The following STK3 variants were observed in gnomAD, a reference collection of about 807,000 sequenced individuals.
STK3 encodes the protein serine/threonine-protein kinase 3.
Under a neutral mutation model 58.0 loss-of-function variants are expected in STK3, and 41 were observed. That is an observed-to-expected ratio of 0.71 (90% CI 0.55 to 0.92). The LOEUF (loss-of-function observed/expected upper bound fraction) is 0.92. Ranked by LOEUF, STK3 falls within the 40% of genes least tolerant of loss-of-function variation. The pLI is 0.00. For synonymous variants in STK3, 170 were observed against 191.0 expected, an observed-to-expected ratio of 0.89 and a Z score of 0.91; for missense variants, 479 against 602.7, an observed-to-expected ratio of 0.79 and a Z score of 2.15.
the STK3 span, among the ~76,000 whole-genome samples, chr8:98,359,894 G>A: frequency 6.6e-6 from 1 of 152,104 alleles, no homozygotes; most frequent in African/African-American, 2.4e-5. Context: ...GTTTCCAGTG[G>A]CATGGGAAGG....
upstream of STK3, among the ~76,000 whole-genome samples, chr8:98,393,168 TAGC>T (rs905872584): frequency 3.3e-5 from 5 of 152,142 alleles, no homozygotes; most frequent in Admixed American, 2.6e-4. Flanking sequence ...AGGTCAACTT[TAGC>T]AGCCACACAT....
At chr8:98,850,898 A>G (rs1228177345) in intron 3 of STK3, among the ~76,000 whole-genome samples, 1 of 152,198 alleles carries the variant, frequency 6.6e-6, no homozygotes, top group African/African-American at 2.4e-5. Context: ...AAGATTGTCC[A>G]AGAGATTACT....
intron 2 of STK3, among the ~76,000 whole-genome samples, chr8:98,375,781 G>C (rs544995665): frequency 9.9e-5 from 15 of 152,134 alleles, no homozygotes; most frequent in African/African-American, 3.6e-4. Context: ...ATGGATTATA[G>C]ATGCAACACA....
chr8:98,695,885 T>G (rs1824872547), intron 6 of STK3, among the ~76,000 whole-genome samples: 1 of 152,208 alleles, frequency 6.6e-6, no homozygotes, highest in Admixed American at 6.5e-5. Flanking sequence ...AAATAGTTTT[T>G]TCCAATTCTG....
intron 10 of STK3, among the ~76,000 whole-genome samples, chr8:98,477,056 G>A (rs928004667): frequency 7.2e-5 from 11 of 152,288 alleles, no homozygotes; most frequent in Admixed American, 6.5e-4. Flanking sequence ...TATCATCAAG[G>A]ACGGGAAGCT....
intron 3 of STK3, among the ~76,000 whole-genome samples, chr8:98,842,462 A>G (rs148449327): frequency 1.3e-3 from 194 of 152,246 alleles, no homozygotes; most frequent in Middle Eastern, 3.4e-3. Context: ...GACCGTTAGA[A>G]CTCAGGAGTC....
chr8:98,930,383 T>C (rs755684129), intron 1 of STK3, among the ~76,000 whole-genome samples: 10 of 152,224 alleles, frequency 6.6e-5, no homozygotes, highest in Non-Finnish European at 1.2e-4. Context: ...TTATAAAGTA[T>C]GTGTTCAGTT....
In STK3 at chr8:98,747,238, C is replaced by T. The variant is rs191802136; in HGVS notation, c.351+2038G>A. On this transcript the variant is annotated intron_variant, in intron 4 of 10. Coordinates refer to ENST00000419617, the MANE Select transcript of STK3 (RefSeq NM_006281.4). ...TGAGTAAATATAAACATTTGCAATA[C>T]AAAATAAGAATAACAATATAAAATA... Among the ~76,000 whole-genome samples the T allele has an allele frequency of 8.6e-3, 1,305 of 151,564 alleles. 10 individuals are homozygous for T. The highest frequency in any genetic ancestry group is 0.03 in the African/African-American group (1,229 of 41,340).
rs556514149 is a variant in STK3, at chr8:98,900,958, G to A, written c.-78-17124C>T. 1.8e-4 allele frequency among the ~76,000 whole-genome samples: 27 copies of A among 152,064 alleles called. No homozygotes were observed. The East Asian group carries it at 2.9e-3, about 16-fold the overall frequency. On this transcript the variant is annotated intron_variant, in intron 1 of 1. Transcript: ENST00000519420. ...ATAACAGGCATGAGCCACTGCACCC[G>A]GCCTATAGTTTTATATTATATTTTT...
intron 1 of STK3, among the ~76,000 whole-genome samples, chr8:98,387,656 G>T (rs920462747): frequency 6.6e-6 from 1 of 152,172 alleles, no homozygotes. Flanking sequence ...GCTGAGGCAG[G>T]AGAATCGCTT....
chr8:98,429,568 T>C, intron 3 of STK3: 1 of 599,912 alleles, frequency 1.7e-6, no homozygotes, highest in Non-Finnish European at 3.0e-6. Context: ...TTTACAGTTT[T>C]TAGAATCGTT....
At chr8:98,588,830 C>G (rs954060866) in intron 7 of STK3, among the ~76,000 whole-genome samples, 44 of 151,978 alleles carry the variant, frequency 2.9e-4, no homozygotes, top group African/African-American at 1.0e-3. Flanking sequence ...CTTCCCTTCT[C>G]GCTTCATTTC....
intron 3 of STK3, among the ~76,000 whole-genome samples, chr8:98,419,838 G>C (rs766406243): frequency 8.5e-5 from 13 of 152,170 alleles, no homozygotes; most frequent in Non-Finnish European, 1.9e-4. Context: ...GCCACTTTCA[G>C]ACCTGGCCTC....
At chr8:98,726,944 T>A (rs1409149221) in intron 4 of STK3, among the ~76,000 whole-genome samples, 1 of 152,216 alleles carries the variant, frequency 6.6e-6, no homozygotes, top group East Asian at 1.9e-4. Flanking sequence ...TTAGAGTTTT[T>A]AAATTATTGT....
intron 3 of STK3, among the ~76,000 whole-genome samples, chr8:98,844,383 T>C (rs941942653): frequency 2.6e-5 from 4 of 152,216 alleles, no homozygotes; most frequent in Non-Finnish European, 5.9e-5. Flanking sequence ...TTCTAGCCAA[T>C]AAGATGAGAA....
At chr8:98,672,631 G>A (rs1294534641) in intron 6 of STK3, among the ~76,000 whole-genome samples, 1 of 152,066 alleles carries the variant, frequency 6.6e-6, no homozygotes, top group Non-Finnish European at 1.5e-5. Flanking sequence ...GCTAAGTAAA[G>A]AAACAATTAT....
intron 10 of STK3, among the ~76,000 whole-genome samples, chr8:98,466,243 C>T (rs1357395100): frequency 6.6e-6 from 1 of 152,096 alleles, no homozygotes; most frequent in Non-Finnish European, 1.5e-5. Flanking sequence ...ACAAACATTA[C>T]AAAAACAACA....
At chr8:98,728,116 G>A (rs1827916016) in intron 4 of STK3, among the ~76,000 whole-genome samples, 1 of 152,092 alleles carries the variant, frequency 6.6e-6, no homozygotes, top group Non-Finnish European at 1.5e-5. Flanking sequence ...ATTAAATTGG[G>A]GCTCCCAGGT....
intron 3 of STK3, among the ~76,000 whole-genome samples, chr8:98,868,588 G>A (rs1412011020): frequency 6.6e-6 from 1 of 152,170 alleles, no homozygotes; most frequent in Non-Finnish European, 1.5e-5. Context: ...TAATTCTTAA[G>A]AAGAAAATCA....
Sources: allele counts gnomAD v4.1 joint callset (sites outside exome capture counted in the v4.1 genomes callset), GRCh38; gene constraint gnomAD v4.1.1; transcripts MANE v1.5; gene names NCBI Gene and HGNC (gene_info 2026-07-23, HGNC 2026-07-21).